The following CCDC136 variants were observed in gnomAD, a reference collection of about 807,000 sequenced individuals.
CCDC136 encodes coiled-coil domain containing 136.
In CCDC136, 100 loss-of-function variants were observed where a neutral mutation model predicts 141.2. The observed-to-expected ratio is 0.71, with a 90% CI of 0.60 to 0.84. The LOEUF is 0.84. CCDC136 is among the 40% of genes least tolerant of loss of function. The pLI is 0.00. For missense variants in CCDC136, 1,206 were observed against 1,379.4 expected, an observed-to-expected ratio of 0.87 and a Z score of 1.99; for synonymous variants, 474 against 531.9, an observed-to-expected ratio of 0.89 and a Z score of 1.50.
At chr7:128,812,952 G>C in intron 14 of CCDC136, 23 bp downstream of exon 14, 1 of 1,533,774 alleles carries the variant, frequency 6.5e-7, no homozygotes, top group South Asian at 1.2e-5. Context: ...AGGGAGGCAG[G>C]GTTTCCTCTG....
chr7:128,793,755 G>A (rs55840720), intron 1 of CCDC136, among the ~76,000 whole-genome samples: 21,739 of 152,042 alleles, frequency 0.14, 1,717 homozygotes, highest in East Asian at 0.22. Flanking sequence ...GATTACAGGC[G>A]TGTACTACCA....
In CCDC136 at chr7:128,794,673, C is replaced by T. The variant is rs1372634206; in HGVS notation, c.272-21C>T. The T allele has an allele frequency of 3.2e-6, 5 of 1,547,720 alleles. No individual in the cohort carries two copies. The South Asian group carries it at 6.0e-5, about 19-fold the overall frequency. On this transcript the variant is annotated intron_variant, in intron 2 of 17. Coordinates refer to ENST00000297788, the MANE Select transcript of CCDC136 (RefSeq NM_022742.5). This position sits in a 1 kb window ranked among gnomAD's most constrained non-coding sequence, Gnocchi z 4.3. ...CACTCCCCTGGATCCGAGCTTGACA[C>T]TGGTGCCCCTCTCCCTGCAGGGCTC...
chr7:128,807,442 T>G lies in CCDC136; in HGVS notation c.1502T>G (p.Met501Arg), dbSNP rs769486645. 2.5e-6 allele frequency: 4 copies of G among 1,572,450 alleles called. No homozygotes were observed. The African/African-American group carries it at 5.4e-5, about 21-fold the overall frequency. Reference sequence around the variant, plus strand: ...GACGAGCTGGAGCGGCAGAAGCACATGTATGACCAGCTGGAGCAGGACCTC... The same window carrying G: ...GACGAGCTGGAGCGGCAGAAGCACAGGTATGACCAGCTGGAGCAGGACCTC... ...SKDELERQKHMYDQLEQDLLL... is the reference protein window; with the variant it reads ...SKDELERQKHRYDQLEQDLLL... The change falls in exon 10 of 18, where the codon ATG (methionine) becomes AGG (arginine). Residue 501 changes from methionine (M) to arginine (R), a missense_variant. Coordinates refer to ENST00000297788, the MANE Select transcript of CCDC136 (RefSeq NM_022742.5).
At chr7:128,819,453 C>G (rs887934709) in intron 17 of CCDC136, among the ~76,000 whole-genome samples, 1 of 152,172 alleles carries the variant, frequency 6.6e-6, no homozygotes, top group Non-Finnish European at 1.5e-5. Context: ...AAAGGATGAT[C>G]GAACCTCTGC....
Position 128,811,787 on chromosome 7 carries a change from C to A in CCDC136, c.2029-13C>A. Reference sequence around the variant, plus strand: ...TCAGAGTAATGATACTGTCTCCCCACCCCTGCCCCCAGCAATCCAAGCTGC... The same window carrying A: ...TCAGAGTAATGATACTGTCTCCCCAACCCTGCCCCCAGCAATCCAAGCTGC... On this transcript the variant is annotated splice_polypyrimidine_tract_variant and intron_variant, in intron 12 of 17. Coordinates refer to ENST00000297788, the MANE Select transcript of CCDC136 (RefSeq NM_022742.5). The A allele has an allele frequency of 1.9e-6, 3 of 1,558,338 alleles. No homozygotes were observed. The East Asian group carries it at 6.7e-5, about 35-fold the overall frequency.
intron 17 of CCDC136, among the ~76,000 whole-genome samples, chr7:128,819,380 T>G (rs1452663441): frequency 6.6e-6 from 1 of 152,236 alleles, no homozygotes; most frequent in Non-Finnish European, 1.5e-5. Context: ...CTGTCTCTAC[T>G]GACAGGCGTT....
At position 128,819,608 on chromosome 7, in the gene CCDC136, G is replaced by A. The variant is rs531380067; in HGVS notation, c.*5+1744G>A. On this transcript the variant is annotated intron_variant, in intron 17 of 17. Transcript: ENST00000297788. ...GTCAGGCACTGTTCTAATCACTTAC[G>A]TATATTAACTGATTTAATCCTTGCA... 3.3e-5 allele frequency among the ~76,000 whole-genome samples: 5 copies of A among 152,186 alleles called. No individual in the cohort carries two copies. In the South Asian group the frequency reaches 8.3e-4, roughly 25 times the overall value.
At chr7:128,791,673 C>A (rs1802185528), upstream of CCDC136, 1 of 625,814 alleles carries the variant, frequency 1.6e-6, no homozygotes, top group Non-Finnish European at 2.3e-6. This position sits in a 1 kb window ranked among gnomAD's most constrained non-coding sequence, Gnocchi z 7.1. Flanking sequence ...CAAAGTCTTC[C>A]TCCCTCCATC....
intron 10 of CCDC136, chr7:128,808,651 C>G (rs763995524): frequency 1.2e-5 from 12 of 984,906 alleles, no homozygotes; most frequent in Non-Finnish European, 1.4e-5. Flanking sequence ...GAAAGGCCTT[C>G]AGGAGACGGA....
At chr7:128,820,369 T>C (rs901057091) in intron 17 of CCDC136, among the ~76,000 whole-genome samples, 1 of 152,206 alleles carries the variant, frequency 6.6e-6, no homozygotes, top group Non-Finnish European at 1.5e-5. Context: ...TTAGGTCACC[T>C]AGTTTAAAAG....
In CCDC136 at chr7:128,814,712, T is replaced by G; in HGVS notation, c.2838T>G (p.Leu946=). 1 of 1,613,568 alleles carries G rather than the reference T, an allele frequency of 6.2e-7. No homozygotes were observed. The highest frequency in any genetic ancestry group is 8.5e-7 in the Non-Finnish European group (1 of 1,179,688). The change falls in exon 15 of 18, where the codon CTT becomes CTG. Residue 946 remains leucine, a synonymous_variant. Coordinates refer to ENST00000297788, the MANE Select transcript of CCDC136 (RefSeq NM_022742.5). The part of the protein sequence containing the change: ...YQASMDEQGR[L]LVVQEQLEGQ... Reference sequence around the variant, plus strand: ...CTAGCATGGATGAGCAGGGGCGGCTTCTGGTAGTGCAGGAGCAGCTGGAGG... The same window carrying G: ...CTAGCATGGATGAGCAGGGGCGGCTGCTGGTAGTGCAGGAGCAGCTGGAGG...
chr7:128,808,837 A>G, intron 10 of CCDC136: 1 of 985,462 alleles, frequency 1.0e-6, no homozygotes, highest in South Asian at 4.7e-5. Flanking sequence ...ATGCTGGCAG[A>G]CAGCACCTGC....
intron 3 of CCDC136, among the ~76,000 whole-genome samples, chr7:128,796,739 A>ATATATATATATATATATATATATTTTT: frequency 8.8e-6 from 1 of 113,376 alleles, no homozygotes; most frequent in African/African-American, 4.6e-5. Flanking sequence ...ATATATATAT[A>ATATATATATATATATATATATATTTTT]TTCTTTTTTT....
intron 4 of CCDC136, 23 bp from the exon 5 acceptor site, chr7:128,804,627 C>T: frequency 6.9e-7 from 1 of 1,442,338 alleles, no homozygotes; most frequent in Non-Finnish European, 9.6e-7. Flanking sequence ...CCGGTCTCAT[C>T]TCTCTCTGCC....
At position 128,821,726 on chromosome 7, in the gene CCDC136, T is replaced by G; in HGVS notation, c.*6-73T>G. 1 of 1,212,754 alleles carries G rather than the reference T, an allele frequency of 8.2e-7. No homozygotes were observed. The highest frequency in any genetic ancestry group is 1.1e-6 in the Non-Finnish European group (1 of 919,506). The allele number at this position is 1,212,754 out of a possible 1,614,324, so 75.1% of individuals were successfully genotyped here. On this transcript the variant is annotated intron_variant, in intron 17 of 17. Transcript: ENST00000297788. This position sits in a 1 kb window ranked among gnomAD's most constrained non-coding sequence, Gnocchi z 5.1. ...GTTCCTGAGGTGTCTTGGGCACCCATAGGCAGGTGACTTCTGGCTTAGGGC... is the reference window on the plus strand; with the variant it reads ...GTTCCTGAGGTGTCTTGGGCACCCAGAGGCAGGTGACTTCTGGCTTAGGGC...
At position 128,805,719 on chromosome 7, in the gene CCDC136, T is replaced by A; in HGVS notation, c.949-42T>A. 6.2e-7 allele frequency: 1 copy of A among 1,606,164 alleles called. No individual in the cohort carries two copies. Among genetic ancestry groups the A allele is most frequent in the South Asian group, 1.1e-5 (1 of 90,016 alleles). ...AAGCTTGTTCTTGGAGCATATGTGG[T>A]ATCTGTAGTAAACAAGCCTCCCTGT... On this transcript the variant is annotated intron_variant, in intron 6 of 17. Coordinates refer to ENST00000297788, the MANE Select transcript of CCDC136 (RefSeq NM_022742.5). This position sits in a 1 kb window ranked among gnomAD's most constrained non-coding sequence, Gnocchi z 4.6.
chr7:128,810,675 C>A (rs1331543931), intron 12 of CCDC136, among the ~76,000 whole-genome samples: 1 of 152,226 alleles, frequency 6.6e-6, no homozygotes, highest in African/African-American at 2.4e-5. Context: ...TCAGATCATT[C>A]GACTCATTCC....
rs979066632 is a variant in CCDC136, at chr7:128,805,011, G to T, written c.782+250G>T. On this transcript the variant is annotated intron_variant, in intron 5 of 17. Transcript: ENST00000297788. This position sits in a 1 kb window ranked among gnomAD's most constrained non-coding sequence, Gnocchi z 4.6. ...TGCTCTAGGCACTGGGTTCTGGTTT[G>T]CTCTGCCCTAAAGTGGATCAGAAGA... Among the ~76,000 whole-genome samples the T allele has an allele frequency of 6.6e-6, 1 of 152,198 alleles. No individual in the cohort carries two copies. Among genetic ancestry groups the T allele is most frequent in the Admixed American group, 6.5e-5 (1 of 15,280 alleles).
At chr7:128,813,673 T>C (rs1806120562) in intron 14 of CCDC136, among the ~76,000 whole-genome samples, 1 of 152,118 alleles carries the variant, frequency 6.6e-6, no homozygotes, top group South Asian at 2.1e-4. Flanking sequence ...TTGGATGAAG[T>C]AGGAGTTCCC....
Sources: gnomAD v4.1 joint callset for allele counts (sites outside exome capture counted in the v4.1 genomes callset) on GRCh38, gnomAD v4.1.1 for gene constraint, Gnocchi (gnomAD v3.1) non-coding constraint, MANE v1.5 for transcripts, NCBI Gene and HGNC (gene_info 2026-07-23, HGNC 2026-07-21) for gene names.